Variants in CCBE1 observed in about 807,000 individuals in gnomAD.
CCBE1 encodes the protein collagen and calcium binding EGF domains 1, also known as collagen and calcium-binding EGF domain-containing protein 1.
CCBE1 carries 37 observed loss-of-function variants against 50.0 expected under a neutral mutation model. The ratio of observed to expected loss-of-function variants is 0.74; its 90% CI spans 0.57 to 0.97. CCBE1 has a LOEUF of 0.97. Among genes scored for constraint, CCBE1 ranks in the 50% least tolerant of loss-of-function variants. The probability of loss-of-function intolerance (pLI) is 0.00; values close to 1 mark genes in which losing one functional copy is unlikely to be tolerated. For missense variants in CCBE1, 538 were observed against 523.8 expected, an observed-to-expected ratio of 1.03 and a Z score of -0.26; for synonymous variants, 234 against 203.7, an observed-to-expected ratio of 1.15 and a Z score of -1.27.
chr18:59,612,281 C>T (rs2053578790), intron 2 of CCBE1, among the ~76,000 whole-genome samples: 1 of 86,022 alleles, frequency 1.2e-5, no homozygotes, highest in Admixed American at 1.4e-4. Flanking sequence ...TACCCTAAAA[C>T]TTAAAGTATA....
chr18:59,463,306 C>T (rs1911580959), intron 5 of CCBE1, among the ~76,000 whole-genome samples: 1 of 152,232 alleles, frequency 6.6e-6, no homozygotes, highest in African/African-American at 2.4e-5. Context: ...TAGCTCACTG[C>T]AGCCTAGACC....
chr18:59,492,611 C>A (rs1277306084), intron 2 of CCBE1, among the ~76,000 whole-genome samples: 1 of 152,168 alleles, frequency 6.6e-6, no homozygotes, highest in Non-Finnish European at 1.5e-5. Flanking sequence ...GACGTCAATG[C>A]CCTAGTGATG....
At chr18:59,470,324 C>T (rs1236897286) in intron 3 of CCBE1, among the ~76,000 whole-genome samples, 6 of 152,080 alleles carry the variant, frequency 3.9e-5, no homozygotes, top group Non-Finnish European at 8.8e-5. Flanking sequence ...ATGGGAAAGA[C>T]CCACCCCATG....
intron 2 of CCBE1, chr18:59,563,944 G>A (rs953683489): frequency 1.3e-5 from 2 of 152,222 alleles, no homozygotes; most frequent in African/African-American, 4.8e-5. Flanking sequence ...AGAATAGCAT[G>A]AACAGCAGCA....
chr18:59,653,665 C>CT (rs755430290), intron 2 of CCBE1, among the ~76,000 whole-genome samples: 4 of 152,198 alleles, frequency 2.6e-5, no homozygotes, highest in Non-Finnish European at 4.4e-5. Flanking sequence ...ATTGATGCTG[C>CT]TCTATGCCTC....
At chr18:59,634,543 A>G (rs2053892241) in intron 2 of CCBE1, among the ~76,000 whole-genome samples, 1 of 152,246 alleles carries the variant, frequency 6.6e-6, no homozygotes, top group Non-Finnish European at 1.5e-5. Flanking sequence ...TCCCAATAAA[A>G]AGTGAAAAAT....
chr18:59,640,132 C>G (rs182554242), intron 2 of CCBE1, among the ~76,000 whole-genome samples: 1 of 152,124 alleles, frequency 6.6e-6, no homozygotes, highest in East Asian at 1.9e-4. Flanking sequence ...CTAGAAAAAA[C>G]GATTTTAAAA....
intron 2 of CCBE1, among the ~76,000 whole-genome samples, chr18:59,643,419 T>G (rs2054015837): frequency 6.6e-6 from 1 of 152,182 alleles, no homozygotes; most frequent in South Asian, 2.1e-4. Flanking sequence ...GGTAGGACAC[T>G]CGATATCCCA....
chr18:59,630,292 T>G (rs1465634553), intron 2 of CCBE1, among the ~76,000 whole-genome samples: 1 of 151,974 alleles, frequency 6.6e-6, no homozygotes. Flanking sequence ...AAAAGTCATT[T>G]AATCTTCCTT....
At position 59,671,537 on chromosome 18, in the gene CCBE1, ACTT is replaced by A. The variant is rs554381233; in HGVS notation, c.212+25089_212+25091del. Among the ~76,000 whole-genome samples the A allele has an allele frequency of 2.2e-3, 338 of 151,694 alleles. 3 individuals carry two copies. The highest frequency in any genetic ancestry group is 8.0e-3 in the African/African-American group (331 of 41,330). On this transcript the variant is annotated intron_variant, in intron 2 of 10. Transcript: ENST00000439986. ...AAAAAGTAAGAAAAAGAAGTAACTG[ACTT>A]CTTCTTCAGTCACTGACAGGGAGGA...
intron 2 of CCBE1, among the ~76,000 whole-genome samples, chr18:59,614,284 G>A (rs1388798526): frequency 2.0e-5 from 3 of 152,148 alleles, no homozygotes; most frequent in Non-Finnish European, 2.9e-5. Context: ...ACAGGCATGA[G>A]CCATCGTGCC....
intron 5 of CCBE1, among the ~76,000 whole-genome samples, chr18:59,456,546 G>A (rs754858137): frequency 2.0e-5 from 3 of 152,172 alleles, no homozygotes; most frequent in Non-Finnish European, 2.9e-5. Flanking sequence ...GGAAAGGCAC[G>A]GAATGGATTG....
intron 2 of CCBE1, among the ~76,000 whole-genome samples, chr18:59,641,708 T>A (rs1476265619): frequency 2.0e-5 from 3 of 152,178 alleles, no homozygotes; most frequent in Non-Finnish European, 4.4e-5. Flanking sequence ...CAGAATAGCT[T>A]GATATTGGTA....
At chr18:59,455,137 A>G in intron 5 of CCBE1, 186 bp from the exon 6 acceptor site, 3 of 683,372 alleles carry the variant, frequency 4.4e-6, no homozygotes, top group Non-Finnish European at 8.1e-6. Context: ...GGAAGAGGGG[A>G]GGACAGAGGG....
intron 2 of CCBE1, among the ~76,000 whole-genome samples, chr18:59,660,420 C>T (rs762848422): frequency 7.2e-5 from 11 of 152,094 alleles, no homozygotes; most frequent in Non-Finnish European, 1.6e-4. Flanking sequence ...GAGTTTCATA[C>T]TTCATTCTCG....
intron 2 of CCBE1, among the ~76,000 whole-genome samples, chr18:59,572,909 C>G (rs1057259001): frequency 2.6e-5 from 4 of 152,106 alleles, no homozygotes; most frequent in Non-Finnish European, 5.9e-5. Flanking sequence ...AAACACTAGT[C>G]TAGGTGTTGC....
intron 2 of CCBE1, among the ~76,000 whole-genome samples, chr18:59,644,114 C>G (rs1450950034): frequency 6.6e-6 from 1 of 152,176 alleles, no homozygotes; most frequent in Non-Finnish European, 1.5e-5. Flanking sequence ...TGAAACTGTT[C>G]CGCCTTAGAT....
chr18:59,607,323 T>A (rs1311363206), intron 2 of CCBE1, among the ~76,000 whole-genome samples: 4 of 152,178 alleles, frequency 2.6e-5, no homozygotes, highest in African/African-American at 4.8e-5. Context: ...GAGTCCAGAA[T>A]CTGATAATCT....
intron 2 of CCBE1, among the ~76,000 whole-genome samples, chr18:59,603,698 C>A (rs1299951867): frequency 6.6e-6 from 1 of 152,158 alleles, no homozygotes; most frequent in African/African-American, 2.4e-5. Context: ...CCCAGAAAAC[C>A]TTCCCTTATC....
Sources: allele counts gnomAD v4.1 joint callset (sites outside exome capture counted in the v4.1 genomes callset), GRCh38; gene constraint gnomAD v4.1.1; transcripts MANE v1.5; gene names NCBI Gene and HGNC (gene_info 2026-07-23, HGNC 2026-07-21).